Variants in RAD51C observed in about 807,000 individuals in gnomAD.
RAD51C encodes the protein DNA repair protein RAD51 homolog 3.
A neutral mutation model predicts 45.0 loss-of-function variants in RAD51C; 42 were observed. The ratio of observed to expected loss-of-function variants is 0.93; its 90% CI spans 0.73 to 1.21. RAD51C has a LOEUF of 1.21. Ranked by LOEUF, RAD51C falls within the 50% of genes most tolerant of loss-of-function variation. The pLI, the probability that RAD51C is intolerant of heterozygous loss-of-function variation, is 0.00. For missense variants in RAD51C, 474 were observed against 452.2 expected (o/e 1.05, Z -0.44); for synonymous variants, 172 against 159.8 (o/e 1.08, Z -0.58).
intron 7 of RAD51C, 182 bp from the exon 8 acceptor site, chr17:58,732,300 TTA>T: frequency 1.8e-6 from 1 of 550,720 alleles, no homozygotes; most frequent in South Asian, 2.4e-5. Flanking sequence ...ATAAACTCTG[TTA>T]TATACATACG....
intron 6 of RAD51C, 84 bp from the exon 7 acceptor site, chr17:58,723,956 G>A: frequency 8.4e-7 from 1 of 1,197,274 alleles, no homozygotes; most frequent in African/African-American, 1.5e-5. Flanking sequence ...AATAAAGTAA[G>A]ATTATATTTG....
At chr17:58,706,655 C>G (rs2048390669) in intron 4 of RAD51C, 1 of 283,282 alleles carries the variant, frequency 3.5e-6, no homozygotes, top group Non-Finnish European at 7.8e-6. Context: ...TGGCACCATT[C>G]TTTCCTTTTC....
intron 5 of RAD51C, among the ~76,000 whole-genome samples, chr17:58,717,893 A>T (rs772214331): frequency 3.9e-5 from 6 of 152,196 alleles, no homozygotes; most frequent in Non-Finnish European, 8.8e-5. Flanking sequence ...TATCTAATTG[A>T]GATCTAGATG....
At chr17:58,702,211 C>T (rs938981637) in intron 3 of RAD51C, among the ~76,000 whole-genome samples, 8 of 151,602 alleles carry the variant, frequency 5.3e-5, no homozygotes, top group African/African-American at 1.5e-4. Context: ...CCCAGGCTGC[C>T]GTTAACTCTT....
At position 58,734,589 on chromosome 17, in the gene RAD51C, T is replaced by G. The variant is rs1026415496; in HGVS notation, c.*367T>G. On this transcript the variant is annotated 3_prime_UTR_variant, in exon 9 of 9. Transcript: ENST00000337432. ...AGAAACATATCATATTCTTATTGTG[T>G]TTTTTTTTTTTTTTTTTTTTTTGGA... 12 of 40,124 alleles carry G rather than the reference T, an allele frequency of 3.0e-4. No individual in the cohort carries two copies. The highest frequency in any genetic ancestry group is 4.1e-4 in the African/African-American group (5 of 12,314). The allele number at this position is 40,124 out of a possible 1,614,324, so 2.5% of individuals were successfully genotyped here.
chr17:58,694,833 C>T (rs2143714706), intron 1 of RAD51C, 98 bp from the exon 2 acceptor site: 1 of 1,137,738 alleles, frequency 8.8e-7, no homozygotes, highest in Admixed American at 1.7e-5. Flanking sequence ...CCACTCCTAG[C>T]ATCACTGTTG....
Position 58,734,533 on chromosome 17 carries a change from T to G in RAD51C, c.*311T>G. On this transcript the variant is annotated 3_prime_UTR_variant, in exon 9 of 9. Transcript: ENST00000337432. ...TACCATTCATACTGTTTTCACCCCT[T>G]TCTTTCCCAGTTGCCTATAAAATCT... The G allele has an allele frequency of 5.3e-6, 2 of 375,434 alleles. No homozygotes were observed. Among genetic ancestry groups the G allele is most frequent in the South Asian group, 3.7e-5 (1 of 26,892 alleles). The allele number at this position is 375,434 out of a possible 1,614,324, so 23.3% of individuals were successfully genotyped here.
chr17:58,720,749 A>C lies in RAD51C; in HGVS notation c.841A>C (p.Ile281Leu). The change falls in exon 6 of 9, where the codon ATT becomes CTT. Residue 281 changes from isoleucine (I) to leucine (L), a missense_variant. Coordinates refer to ENST00000337432, the MANE Select transcript of RAD51C (RefSeq NM_058216.3). ...TTCTTACATTTTGTTTTTGTAGGTA[A>C]TTTTAACCAATCAGATGACAACAAA... Reference protein sequence around the residue: ...SLANNHRLAVILTNQMTTKID... With the variant: ...SLANNHRLAVLLTNQMTTKID... 6.2e-7 allele frequency: 1 copy of C among 1,611,008 alleles called. No individual in the cohort carries two copies. The highest frequency in any genetic ancestry group is 8.5e-7 in the Non-Finnish European group (1 of 1,177,614).
intron 6 of RAD51C, among the ~76,000 whole-genome samples, chr17:58,722,192 G>C (rs1598506697): frequency 1.3e-5 from 2 of 152,120 alleles, no homozygotes; most frequent in African/African-American, 4.8e-5. Context: ...GGAAAGCAGG[G>C]GTTCAGAGTT....
In RAD51C at chr17:58,696,854, G is replaced by C. The variant is rs1240012999; in HGVS notation, c.566G>C (p.Gly189Ala). 1 of 1,614,090 alleles carries C rather than the reference G, an allele frequency of 6.2e-7. No individual in the cohort carries two copies. Among genetic ancestry groups the C allele is most frequent in the South Asian group, 1.1e-5 (1 of 91,078 alleles). The change falls in exon 3 of 9, where the codon GGA becomes GCA. Residue 189 changes from glycine to alanine, a missense_variant. Gly to Ala is a moderately conservative substitution (Grantham distance 60). Transcript: ENST00000337432. ...CAGCTTATAGCAGAAAAACACAAGG[G>C]AGAGGGTAAGTTAGTAAATGATCTT... is the stretch of plus-strand genomic sequence containing the variant. ...HLQLIAEKHK[G>A]EEHRKALEDF...
chr17:58,705,649 C>G (rs149313695), intron 4 of RAD51C, among the ~76,000 whole-genome samples: 1 of 152,034 alleles, frequency 6.6e-6, no homozygotes, highest in African/African-American at 2.4e-5. Context: ...TTTCTTCTTA[C>G]AAGGACGCTA....
chr17:58,732,664 T>C, intron 8 of RAD51C, 120 bp downstream of exon 8: 1 of 921,604 alleles, frequency 1.1e-6, no homozygotes, highest in Non-Finnish European at 1.8e-6. Flanking sequence ...GAGGACAGCT[T>C]TTGATGCTTA....
chr17:58,728,062 G>A (rs567920560), intron 7 of RAD51C, among the ~76,000 whole-genome samples: 3 of 151,964 alleles, frequency 2.0e-5, no homozygotes, highest in South Asian at 4.2e-4. Context: ...GGCCAATATG[G>A]GGAAACTGTG....
chr17:58,705,425 C>G (rs1185271546), intron 4 of RAD51C, among the ~76,000 whole-genome samples: 1 of 151,952 alleles, frequency 6.6e-6, no homozygotes, highest in African/African-American at 2.4e-5. Flanking sequence ...CCTCCACCTC[C>G]CGGATTCAAG....
intron 7 of RAD51C, among the ~76,000 whole-genome samples, chr17:58,729,867 G>A (rs944057825): frequency 1.8e-4 from 28 of 151,960 alleles, no homozygotes; most frequent in Non-Finnish European, 1.6e-4. Context: ...CACTGTGCCC[G>A]GCCGACTTTA....
At chr17:58,733,928 G>A (rs1234524403) in intron 8 of RAD51C, among the ~76,000 whole-genome samples, 190 bp from the exon 9 acceptor site, 2 of 152,116 alleles carry the variant, frequency 1.3e-5, no homozygotes, top group Admixed American at 6.6e-5. Context: ...ATGTTGGCCA[G>A]GCTGGTCTTG....
In RAD51C at chr17:58,703,328, A is replaced by C. The variant is rs748043225; in HGVS notation, c.704A>C (p.Lys235Thr). 6.2e-6 allele frequency: 10 copies of C among 1,611,708 alleles called. No homozygotes were observed. The South Asian group carries it at 1.1e-4, about 18-fold the overall frequency. ...LLPDFLSEHS[K>T]VRLVIVDGIA... is the part of the protein sequence containing the mutation. ...CCAGATTTCCTTTCAGAACACTCAAAGGTATGAGTCAGACTACTGAAATGT... is the reference window on the plus strand; with the variant it reads ...CCAGATTTCCTTTCAGAACACTCAACGGTATGAGTCAGACTACTGAAATGT... Residue 235 changes from lysine (K) to threonine (T), a missense_variant and splice_region_variant, in exon 4 of 9, where the codon AAG (lysine) becomes ACG (threonine). Lys to Thr is a moderately conservative substitution (Grantham distance 78). Transcript: ENST00000337432.
intron 4 of RAD51C, among the ~76,000 whole-genome samples, chr17:58,703,876 A>T (rs1178253107): frequency 7.4e-6 from 1 of 135,008 alleles, no homozygotes; most frequent in Non-Finnish European, 1.6e-5. Flanking sequence ...AGGTGGGAGG[A>T]TTGCTTGAGC....
At chr17:58,708,213 C>T (rs1159565073) in intron 4 of RAD51C, among the ~76,000 whole-genome samples, 1 of 151,770 alleles carries the variant, frequency 6.6e-6, no homozygotes, top group East Asian at 1.9e-4. Context: ...TTTATAATGC[C>T]ACTTTTTTTT....
Sources: allele counts gnomAD v4.1 joint callset (sites outside exome capture counted in the v4.1 genomes callset), GRCh38; gene constraint gnomAD v4.1.1; transcripts MANE v1.5; gene names NCBI Gene and HGNC (gene_info 2026-07-23, HGNC 2026-07-21).